The following CFAP206 variants were observed in gnomAD, a reference collection of about 807,000 sequenced individuals.
CFAP206 encodes cilia and flagella associated protein 206, also known as cilia- and flagella-associated protein 206.
In CFAP206, 53 loss-of-function variants were observed where a neutral mutation model predicts 65.4. The observed-to-expected ratio is 0.81, with a 90% confidence interval of 0.65 to 1.02. CFAP206 has a LOEUF of 1.02. Among genes scored for constraint, CFAP206 ranks in the 50% least tolerant of loss-of-function variants. The pLI, the probability that CFAP206 is intolerant of heterozygous loss-of-function variation, is 0.00. For synonymous variants in CFAP206, 250 were observed against 254.4 expected, an observed-to-expected ratio of 0.98 and a Z score of 0.17; for missense variants, 663 against 753.2, an observed-to-expected ratio of 0.88 and a Z score of 1.40.
intron 10 of CFAP206, among the ~76,000 whole-genome samples, chr6:87,432,268 T>TA (rs999805786): frequency 1.3e-5 from 2 of 152,206 alleles, no homozygotes; most frequent in African/African-American, 4.8e-5. Context: ...TTGGCTCATT[T>TA]AAAAAATGTT....
chr6:87,433,199 A>T (rs759428682), intron 10 of CFAP206, among the ~76,000 whole-genome samples: 8 of 152,106 alleles, frequency 5.3e-5, no homozygotes, highest in African/African-American at 1.9e-4. Flanking sequence ...TAAAATATCA[A>T]TTGCACACTT....
intron 7 of CFAP206, among the ~76,000 whole-genome samples, chr6:87,423,401 A>C (rs1169379580): frequency 6.6e-6 from 1 of 151,572 alleles, no homozygotes; most frequent in East Asian, 1.9e-4. Flanking sequence ...GGCGCCCGCC[A>C]CCACGTCCGG....
chr6:87,421,614 GT>G (rs1411067552), intron 7 of CFAP206, among the ~76,000 whole-genome samples: 1 of 152,182 alleles, frequency 6.6e-6, no homozygotes, highest in Non-Finnish European at 1.5e-5. Flanking sequence ...GATGATCGTA[GT>G]TTTGTTGACT....
intron 6 of CFAP206, 147 bp downstream of exon 6, chr6:87,416,974 T>A: frequency 1.4e-6 from 1 of 702,078 alleles, no homozygotes; most frequent in East Asian, 2.8e-5. Flanking sequence ...AACTACTGTT[T>A]ATAATGTGTA....
At chr6:87,438,860 G>A (rs4706292) in intron 11 of CFAP206, among the ~76,000 whole-genome samples, 41,773 of 152,002 alleles carry the variant, frequency 0.27, 5,948 homozygotes, top group Admixed American at 0.38. Flanking sequence ...ACTAAATAAT[G>A]TAAATGTATT....
intron 11 of CFAP206, chr6:87,444,932 T>G: frequency 1.9e-6 from 1 of 531,970 alleles, no homozygotes; most frequent in Non-Finnish European, 3.7e-6. Flanking sequence ...CTGGGCTGAA[T>G]CAGGATTTAT....
chr6:87,421,726 G>A (rs1462549212), intron 7 of CFAP206, among the ~76,000 whole-genome samples: 1 of 152,126 alleles, frequency 6.6e-6, no homozygotes, highest in African/African-American at 2.4e-5. Context: ...TAAGAGCTGC[G>A]TTTGACAGCA....
At chr6:87,452,016 G>C (rs1045561038) in intron 11 of CFAP206, among the ~76,000 whole-genome samples, 31 of 152,030 alleles carry the variant, frequency 2.0e-4, no homozygotes, top group Admixed American at 1.8e-3. Flanking sequence ...CCAAAACCCA[G>C]TACTGTGCTG....
intron 11 of CFAP206, among the ~76,000 whole-genome samples, chr6:87,449,519 A>G (rs2127955892): frequency 6.6e-6 from 1 of 150,952 alleles, no homozygotes; most frequent in East Asian, 1.9e-4. Flanking sequence ...TTTTTATAAT[A>G]GGCATTTTAA....
At chr6:87,428,460 T>G (rs1169775867) in intron 8 of CFAP206, among the ~76,000 whole-genome samples, 166 bp from the exon 9 acceptor site, 1 of 152,190 alleles carries the variant, frequency 6.6e-6, no homozygotes, top group Non-Finnish European at 1.5e-5. Context: ...TTCTCATAAT[T>G]TATGAGTTAA....
At chr6:87,416,010 G>C in intron 5 of CFAP206, 136 bp downstream of exon 5, 1 of 649,324 alleles carries the variant, frequency 1.5e-6, no homozygotes, top group Non-Finnish European at 2.4e-6. Flanking sequence ...CAGCACAAAT[G>C]AGTTAAAATG....
intron 11 of CFAP206, among the ~76,000 whole-genome samples, chr6:87,451,969 A>T (rs1161503496): frequency 6.6e-6 from 1 of 152,184 alleles, no homozygotes; most frequent in African/African-American, 2.4e-5. Flanking sequence ...AGCCTTGAAT[A>T]AACATCAGCA....
In CFAP206 at chr6:87,416,610, G is replaced by A. The variant is rs752233050; in HGVS notation, c.473-59G>A. On this transcript the variant is annotated intron_variant, in intron 5 of 12. Transcript: ENST00000369562. The stretch of plus-strand genomic sequence containing the variant: ...CTGCTAAAGAAAAACGTTATTTAAC[G>A]TCTGATATCTTTATTCTATCATTTT... 6.1e-5 allele frequency: 90 copies of A among 1,467,180 alleles called. No homozygotes were observed. The Admixed American group carries it at 6.8e-4, about 11-fold the overall frequency. The allele number at this position is 1,467,180 out of a possible 1,614,324, so 90.9% of individuals were successfully genotyped here.
At position 87,464,110 on chromosome 6, in the gene CFAP206, G is replaced by T. The variant is rs758369739; in HGVS notation, c.1729G>T (p.Asp577Tyr). The T allele has an allele frequency of 6.2e-7, 1 of 1,614,134 alleles. No homozygotes were observed. Among genetic ancestry groups the T allele is most frequent in the South Asian group, 1.1e-5 (1 of 91,078 alleles). Reference sequence around the variant, plus strand: ...TTGTTCCCAAGTGTACCCTCCAAAGGACACTAGCACCCAGTCCATGAGGGA... The same window carrying T: ...TTGTTCCCAAGTGTACCCTCCAAAGTACACTAGCACCCAGTCCATGAGGGA... ...ENCSQVYPPK[D>Y]TSTQSMREDS... Residue 577 changes from aspartate (D) to tyrosine (Y), a missense_variant, in exon 13 of 13, where the codon GAC becomes TAC. Physicochemically the swap from Asp to Tyr is radical, Grantham distance 160. Transcript: ENST00000369562.
chr6:87,441,815 G>T (rs765571986), intron 11 of CFAP206: 2 of 261,370 alleles, frequency 7.7e-6, no homozygotes, highest in Non-Finnish European at 7.7e-6. Context: ...AATTTCAGGC[G>T]AATAAGAGAA....
Position 87,464,364 on chromosome 6 carries a change from G to A in CFAP206, c.*114G>A, listed in dbSNP as rs1768792294. 1 of 669,424 alleles carries A rather than the reference G, an allele frequency of 1.5e-6. No homozygotes were observed. The highest frequency in any genetic ancestry group is 2.3e-6 in the Non-Finnish European group (1 of 433,490). The allele number at this position is 669,424 out of a possible 1,614,324, so 41.5% of individuals were successfully genotyped here. Reference sequence around the variant, plus strand: ...TGTAGGGGTGGCACATTCATTGGTTGTGTGACTGTTTATTGGGTTCCCATA... The same window carrying A: ...TGTAGGGGTGGCACATTCATTGGTTATGTGACTGTTTATTGGGTTCCCATA... On this transcript the variant is annotated 3_prime_UTR_variant, in exon 13 of 13. Transcript: ENST00000369562.
At chr6:87,426,481 A>C (rs762414624) in intron 7 of CFAP206, 45 bp from the exon 8 acceptor site, 14 of 1,400,446 alleles carry the variant, frequency 1.0e-5, no homozygotes, top group Middle Eastern at 5.2e-4. Flanking sequence ...TGATTTTTAT[A>C]GTAGAATTAT....
intron 11 of CFAP206, among the ~76,000 whole-genome samples, chr6:87,449,436 CAAAAA>C (rs34540279): frequency 1.9e-5 from 1 of 53,060 alleles, no homozygotes; most frequent in Non-Finnish European, 3.8e-5. Flanking sequence ...GACTCCATCT[CAAAAA>C]AAAAAAAAAA....
Position 87,453,887 on chromosome 6 carries a change from T to A in CFAP206, c.1495-7135T>A, listed in dbSNP as rs1172352624. 1.3e-5 allele frequency among the ~76,000 whole-genome samples: 2 copies of A among 152,042 alleles called. 1 individual carries two copies. The highest frequency in any genetic ancestry group is 4.1e-4 in the South Asian group (2 of 4,824). On this transcript the variant is annotated intron_variant, in intron 11 of 12. Coordinates refer to ENST00000369562, the MANE Select transcript of CFAP206 (RefSeq NM_001031743.3). ...AATGGCAATAACAAACCCATACTTA[T>A]CAATAATAACACTGAATTAAATGGA...
Sources: gnomAD v4.1 joint callset for allele counts (sites outside exome capture counted in the v4.1 genomes callset) on GRCh38, gnomAD v4.1.1 for gene constraint, MANE v1.5 for transcripts, NCBI Gene and HGNC (gene_info 2026-07-23, HGNC 2026-07-21) for gene names.